Variants in PITPNA observed in about 807,000 individuals in gnomAD.
PITPNA encodes the protein phosphatidylinositol transfer protein alpha isoform.
A neutral mutation model predicts 50.3 loss-of-function variants in PITPNA; 13 were observed. That is an observed-to-expected ratio of 0.26 (90% CI 0.17 to 0.41). PITPNA has a LOEUF of 0.41. PITPNA is among the 10% of genes least tolerant of loss of function. PITPNA has a pLI of 1.00. For synonymous variants in PITPNA, 120 were observed against 119.6 expected (o/e 1.00, Z -0.02); for missense variants, 207 against 333.4 (o/e 0.62, Z 2.95).
intron 5 of PITPNA, among the ~76,000 whole-genome samples, 166 bp downstream of exon 5, chr17:1,542,854 C>T (rs1391931006): frequency 6.6e-6 from 1 of 152,226 alleles, no homozygotes; most frequent in Non-Finnish European, 1.5e-5. Flanking sequence ...AGGAGGTCAT[C>T]ATGCCAGTTA....
intron 10 of PITPNA, among the ~76,000 whole-genome samples, chr17:1,526,951 T>C (rs1237549934): frequency 2.0e-5 from 3 of 151,948 alleles, no homozygotes; most frequent in Non-Finnish European, 4.4e-5. Flanking sequence ...GTAGATGGGG[T>C]TTCACCATCT....
intron 5 of PITPNA, among the ~76,000 whole-genome samples, chr17:1,542,069 G>A (rs1040026802): frequency 2.6e-5 from 4 of 152,078 alleles, no homozygotes; most frequent in Admixed American, 6.5e-5. Flanking sequence ...GCATGGTGGC[G>A]GGTGCCTGTA....
chr17:1,529,590 C>T (rs190339645), intron 10 of PITPNA, among the ~76,000 whole-genome samples: 1 of 151,784 alleles, frequency 6.6e-6, no homozygotes, highest in Non-Finnish European at 1.5e-5. Context: ...CACAGTGGCT[C>T]ACAACTGTAA....
At chr17:1,549,341 C>T (rs1229435665) in intron 3 of PITPNA, among the ~76,000 whole-genome samples, 1 of 131,134 alleles carries the variant, frequency 7.6e-6, no homozygotes, top group East Asian at 2.3e-4. Context: ...TTTTTTGAGA[C>T]AGTCTTGCTG....
At chr17:1,533,980 C>T in intron 10 of PITPNA, 119 bp downstream of exon 10, 2 of 1,139,266 alleles carry the variant, frequency 1.8e-6, no homozygotes, top group Non-Finnish European at 2.6e-6. Context: ...GTCCCTGTAG[C>T]AGACACTGAC....
At chr17:1,520,726 C>T (rs1253022112) in intron 11 of PITPNA, among the ~76,000 whole-genome samples, 188 bp from the exon 12 acceptor site, 1 of 152,164 alleles carries the variant, frequency 6.6e-6, no homozygotes, top group Non-Finnish European at 1.5e-5. Context: ...CTCATTCCAC[C>T]CTCCAGCCTC....
intron 2 of PITPNA, among the ~76,000 whole-genome samples, chr17:1,554,390 A>ATTTTT: frequency 1.5e-5 from 1 of 66,096 alleles, no homozygotes; most frequent in Admixed American, 1.9e-4. Context: ...GTGTTTCTCT[A>ATTTTT]TTTTTTTTTT....
chr17:1,539,520 C>T (rs1041653457), intron 6 of PITPNA, among the ~76,000 whole-genome samples: 3 of 149,420 alleles, frequency 2.0e-5, no homozygotes, highest in Admixed American at 6.7e-5. Context: ...CTGAGTGATC[C>T]TCCTGTTACA....
At chr17:1,546,009 C>T (rs762763463) in intron 4 of PITPNA, among the ~76,000 whole-genome samples, 16 of 150,108 alleles carry the variant, frequency 1.1e-4, no homozygotes, top group Non-Finnish European at 2.1e-4. Flanking sequence ...CTCACTGTAA[C>T]CTCCGCCTCC....
chr17:1,541,590 T>A lies in PITPNA; in HGVS notation c.348A>T (p.Lys116Asn). 1 of 1,613,482 alleles carries A rather than the reference T, an allele frequency of 6.2e-7. No individual in the cohort carries two copies. Among genetic ancestry groups the A allele is most frequent in the African/African-American group, 1.3e-5 (1 of 74,988 alleles). ...DFLIKIETWH[K>N]PDLGTQENVH... ...CATTCTCCTGCGTGCCAAGATCTGG[T>A]TTGTGCCAGGTTTCAATTTTAATCA... Residue 116 changes from lysine (K) to asparagine (N), a missense_variant, in exon 6 of 12, where the codon AAA becomes AAT. Coordinates refer to ENST00000313486, the MANE Select transcript of PITPNA (RefSeq NM_006224.4).
chr17:1,550,862 G>A (rs1182588957), intron 3 of PITPNA, among the ~76,000 whole-genome samples: 3 of 152,240 alleles, frequency 2.0e-5, no homozygotes, highest in African/African-American at 7.2e-5. Context: ...CACTTGAAGC[G>A]GTGCGGAGAA....
rs537840835 is a variant in PITPNA, at chr17:1,522,384, T to G, written c.769-739A>C. 7.5e-4 allele frequency among the ~76,000 whole-genome samples: 114 copies of G among 151,694 alleles called. 1 individual carries two copies. The highest frequency in any genetic ancestry group is 2.6e-3 in the African/African-American group (107 of 41,328). ...CCGCGCCTGGCCGAAACATCTTTTT[T>G]TGTGTGTGTGAGGAGTCTTGCTCTG... is the stretch of plus-strand genomic sequence containing the variant. On this transcript the variant is annotated intron_variant, in intron 10 of 11. Coordinates refer to ENST00000313486, the MANE Select transcript of PITPNA (RefSeq NM_006224.4).
chr17:1,557,148 C>A (rs2075738990), intron 2 of PITPNA, among the ~76,000 whole-genome samples: 1 of 152,140 alleles, frequency 6.6e-6, no homozygotes, highest in Non-Finnish European at 1.5e-5. Context: ...CTCTTTTCTG[C>A]CCTTCCCAGA....
intron 9 of PITPNA, among the ~76,000 whole-genome samples, chr17:1,534,527 C>T (rs540990985): frequency 2.6e-5 from 4 of 152,286 alleles, no homozygotes; most frequent in African/African-American, 9.6e-5. Context: ...GCCAAGGGCC[C>T]CAAACCACTG....
chr17:1,539,089 C>T, intron 6 of PITPNA, 137 bp from the exon 7 acceptor site: 2 of 607,698 alleles, frequency 3.3e-6, no homozygotes, highest in Non-Finnish European at 2.9e-6. Context: ...TATACAATTA[C>T]ATACAAAATT....
intron 1 of PITPNA, chr17:1,559,715 G>A: frequency 2.1e-6 from 2 of 960,074 alleles, no homozygotes; most frequent in Non-Finnish European, 2.5e-6. Flanking sequence ...AGGTCCCCCA[G>A]GAAGCAAGAA....
chr17:1,536,294 T>C (rs1251213285), intron 7 of PITPNA, among the ~76,000 whole-genome samples: 16 of 149,694 alleles, frequency 1.1e-4, no homozygotes, highest in African/African-American at 1.8e-4. Context: ...TTTTTTTTTT[T>C]CTTTTTTTTT....
chr17:1,549,597 C>T (rs945164505), intron 3 of PITPNA, among the ~76,000 whole-genome samples: 4 of 144,178 alleles, frequency 2.8e-5, no homozygotes, highest in African/African-American at 7.9e-5. Flanking sequence ...ATTACAGTGG[C>T]GTGAGCCACC....
chr17:1,527,141 T>C (rs1231488798), intron 10 of PITPNA, among the ~76,000 whole-genome samples: 1 of 152,212 alleles, frequency 6.6e-6, no homozygotes, highest in Non-Finnish European at 1.5e-5. Flanking sequence ...TATCTGATGT[T>C]TGTGGTGTTC....
Sources: gnomAD v4.1 joint callset for allele counts (sites outside exome capture counted in the v4.1 genomes callset) on GRCh38, gnomAD v4.1.1 for gene constraint, MANE v1.5 for transcripts, NCBI Gene and HGNC (gene_info 2026-07-23, HGNC 2026-07-21) for gene names.